Variants in CENPW observed in about 807,000 individuals in gnomAD.
CENPW encodes cancer-up-regulated gene 2 protein.
A neutral mutation model predicts 11.1 loss-of-function variants in CENPW; 3 were observed. The observed-to-expected ratio is 0.27, with a 90% CI of 0.12 to 0.70. The LOEUF is 0.70. Among genes scored for constraint, CENPW ranks in the 30% least tolerant of loss-of-function variants. The pLI, the probability that CENPW is intolerant of heterozygous loss-of-function variation, is 0.77. For synonymous variants in CENPW, 38 were observed against 42.0 expected (o/e 0.91, Z 0.37); for missense variants, 100 against 105.6 (o/e 0.95, Z 0.23).
chr6:126,435,087 A>G, the CENPW span, among the ~76,000 whole-genome samples: 2 of 152,014 alleles, frequency 1.3e-5, no homozygotes, highest in Non-Finnish European at 1.5e-5. Context: ...GTCATGATGT[A>G]GAACAATTGG....
At chr6:126,437,638 T>G in the CENPW span, among the ~76,000 whole-genome samples, 1 of 151,910 alleles carries the variant, frequency 6.6e-6, no homozygotes, top group African/African-American at 2.4e-5. Flanking sequence ...CTTTTTAATG[T>G]TTCCAAGAAT....
chr6:126,366,512 T>C, the CENPW span, among the ~76,000 whole-genome samples: 1 of 152,240 alleles, frequency 6.6e-6, no homozygotes, highest in Non-Finnish European at 1.5e-5. Context: ...TAAGTATTAA[T>C]GAACCATACT....
chr6:126,439,148 G>A, the CENPW span, among the ~76,000 whole-genome samples: 1 of 151,728 alleles, frequency 6.6e-6, no homozygotes, highest in East Asian at 1.9e-4. Flanking sequence ...GTTTTCCTGA[G>A]ACTGTAATGC....
chr6:126,479,041 A>G, the CENPW span, among the ~76,000 whole-genome samples: 1 of 151,936 alleles, frequency 6.6e-6, no homozygotes, highest in Non-Finnish European at 1.5e-5. Flanking sequence ...CTGCTACACA[A>G]AATTTATTCT....
chr6:126,437,511 G>A, the CENPW span, among the ~76,000 whole-genome samples: 1 of 151,860 alleles, frequency 6.6e-6, no homozygotes, highest in East Asian at 1.9e-4. Flanking sequence ...ACCTCAGTTT[G>A]AGCAAAAATA....
chr6:126,361,267 A>G, the CENPW span, among the ~76,000 whole-genome samples: 2 of 152,206 alleles, frequency 1.3e-5, no homozygotes, highest in Non-Finnish European at 2.9e-5. Flanking sequence ...ATGGGCTCTT[A>G]ATCAAGATGT....
the CENPW span, among the ~76,000 whole-genome samples, chr6:126,390,804 TATTC>T: frequency 6.6e-6 from 1 of 151,956 alleles, no homozygotes; most frequent in African/African-American, 2.4e-5. Context: ...GACGTGATCT[TATTC>T]TTTTTTATGG....
the CENPW span, among the ~76,000 whole-genome samples, chr6:126,459,843 A>G: frequency 6.6e-6 from 1 of 151,394 alleles, no homozygotes; most frequent in South Asian, 2.1e-4. Flanking sequence ...TAATTCGGGG[A>G]CAAACAGAAA....
At chr6:126,392,278 A>C in the CENPW span, among the ~76,000 whole-genome samples, 1 of 151,724 alleles carries the variant, frequency 6.6e-6, no homozygotes, top group East Asian at 1.9e-4. Flanking sequence ...ATTGTTTCAA[A>C]TTGTTTGCAG....
chr6:126,346,942 CCGTCTCAAAA>C lies in CENPW; in HGVS notation c.240+625_240+634del, dbSNP rs1468794940. 2.0e-5 allele frequency among the ~76,000 whole-genome samples: 3 copies of C among 152,086 alleles called. No individual in the cohort carries two copies. In the South Asian group the frequency reaches 6.2e-4, roughly 32 times the overall value. On this transcript the variant is annotated intron_variant, in intron 2 of 2. Transcript: ENST00000368328. ...TAGCCTGGGCAACAAGTGCGAAACTCCGTCTCAAAAAAAGGAAAAAAAAATCTCTTATAAG... is the reference window on the plus strand; with the variant it reads ...TAGCCTGGGCAACAAGTGCGAAACTCAAAGGAAAAAAAAATCTCTTATAAG...
the CENPW span, among the ~76,000 whole-genome samples, chr6:126,443,489 T>C: frequency 6.6e-6 from 1 of 151,322 alleles, no homozygotes; most frequent in East Asian, 1.9e-4. Flanking sequence ...ATGTGTACTT[T>C]TATCAGGAGG....
chr6:126,440,253 C>A, the CENPW span, among the ~76,000 whole-genome samples: 4 of 151,376 alleles, frequency 2.6e-5, no homozygotes, highest in Admixed American at 1.3e-4. Flanking sequence ...TAGCCATAAG[C>A]AATATATAGT....
the CENPW span, among the ~76,000 whole-genome samples, chr6:126,400,371 A>G: frequency 1.6e-4 from 24 of 151,994 alleles, no homozygotes; most frequent in Admixed American, 1.5e-3. Flanking sequence ...CGAGTTCTCT[A>G]TTCAAGTTAT....
chr6:126,411,922 CTCCTTTCTTCT>C, the CENPW span, among the ~76,000 whole-genome samples: 1 of 92,844 alleles, frequency 1.1e-5, no homozygotes, highest in Admixed American at 1.1e-4. Flanking sequence ...CTCCCCCTCC[CTCCTTTCTTCT>C]TCCCTCCCTC....
chr6:126,346,348 G>T lies in CENPW; in HGVS notation c.240+30G>T, dbSNP rs370679923. The stretch of plus-strand genomic sequence containing the variant: ...AATCCAAATTTCTTTTCTCGAGCAA[G>T]AATTAAACTTCAAAAATAACACTCG... On this transcript the variant is annotated intron_variant, in intron 2 of 2. Coordinates refer to ENST00000368328, the MANE Select transcript of CENPW (RefSeq NM_001012507.4). 117 of 1,382,632 alleles carry T rather than the reference G, an allele frequency of 8.5e-5. 1 individual carries two copies. Among genetic ancestry groups the T allele is most frequent in the Admixed American group, 1.4e-4 (8 of 57,674 alleles). 85.6% of individuals were successfully genotyped at this position (1,382,632 alleles called of 1,614,324 possible).
chr6:126,440,906 C>T, the CENPW span, among the ~76,000 whole-genome samples: 1 of 151,504 alleles, frequency 6.6e-6, no homozygotes, highest in Non-Finnish European at 1.5e-5. Context: ...AGAGGGAAAA[C>T]ATAGGTTGCT....
At chr6:126,424,915 G>A in the CENPW span, among the ~76,000 whole-genome samples, 1 of 151,992 alleles carries the variant, frequency 6.6e-6, no homozygotes, top group African/African-American at 2.4e-5. Flanking sequence ...ACCTGATATA[G>A]GAGTATGGGC....
the CENPW span, among the ~76,000 whole-genome samples, chr6:126,469,608 C>T: frequency 1.3e-5 from 2 of 152,054 alleles, no homozygotes; most frequent in African/African-American, 4.8e-5. Context: ...CAGAAGAAGA[C>T]AAGAAGATGT....
At chr6:126,371,951 A>G in the CENPW span, among the ~76,000 whole-genome samples, 1 of 151,870 alleles carries the variant, frequency 6.6e-6, no homozygotes, top group Admixed American at 6.6e-5. Context: ...TTCATTTCTA[A>G]TTGAGCTTAT....
Sources: gnomAD v4.1 joint callset for allele counts (sites outside exome capture counted in the v4.1 genomes callset) on GRCh38, gnomAD v4.1.1 for gene constraint, MANE v1.5 for transcripts, NCBI Gene and HGNC (gene_info 2026-07-23, HGNC 2026-07-21) for gene names.